The following SEC24B variants were observed in gnomAD, a reference collection of about 807,000 sequenced individuals.
The protein encoded by SEC24B is SEC24 homolog B, COPII component, also known as protein transport protein Sec24B.
A neutral mutation model predicts 142.8 loss-of-function variants in SEC24B; 45 were observed. The ratio of observed to expected loss-of-function variants is 0.32; its 90% confidence interval spans 0.25 to 0.40. The LOEUF is 0.40. Ranked by LOEUF, SEC24B falls within the 10% of genes least tolerant of loss-of-function variation. The pLI is 1.00. For synonymous variants in SEC24B, 574 were observed against 568.2 expected, an observed-to-expected ratio of 1.01 and a Z score of -0.15; for missense variants, 1,409 against 1,526.8, an observed-to-expected ratio of 0.92 and a Z score of 1.29.
Position 109,533,618 on chromosome 4 carries a change from G to A in SEC24B, c.3521G>A (p.Gly1174Asp), listed in dbSNP as rs1430970756. ...GTTTTTTACATTTGGGTTGGGAAAG[G>A]CTGTGACAATAACTTCATAGAGGAT... ...GSVFYIWVGK[G>D]CDNNFIEDVL... is the part of the protein sequence containing the mutation. Residue 1174 changes from glycine to aspartate, a missense_variant, in exon 22 of 24, where the codon GGC becomes GAC. Gly to Asp is a moderately conservative substitution (Grantham distance 94, BLOSUM62 -1). This residue lies in a region of SEC24B where 700 missense variants were observed against 853.3 expected (regional missense o/e 0.82). Transcript: ENST00000265175. 7.4e-6 allele frequency: 12 copies of A among 1,610,800 alleles called. No individual in the cohort carries two copies. Among genetic ancestry groups the A allele is most frequent in the Non-Finnish European group, 1.0e-5 (12 of 1,178,620 alleles).
chr4:109,486,566 A>G (rs1734377407), intron 4 of SEC24B, among the ~76,000 whole-genome samples: 1 of 152,150 alleles, frequency 6.6e-6, no homozygotes, highest in Admixed American at 6.5e-5. Context: ...GCTGTAACAT[A>G]GAGCCAGTAG....
rs1226859412 is a variant in SEC24B at position 109,517,586 on chromosome 4, G to C, written c.2126+946G>C. Among the ~76,000 whole-genome samples, 6 of 152,190 alleles carry C rather than the reference G, an allele frequency of 3.9e-5. No homozygotes were observed. In the East Asian group the frequency reaches 1.2e-3, roughly 29 times the overall value. On this transcript the variant is annotated intron_variant, in intron 11 of 23. Coordinates refer to ENST00000265175, the MANE Select transcript of SEC24B (RefSeq NM_006323.5). ...TTCTTGGAGAAATGCTAAGAGATGA[G>C]AATTGTTGTGTTCTCACTACAAAAA... is the stretch of plus-strand genomic sequence containing the variant.
At chr4:109,491,236 T>C (rs1263808697) in intron 4 of SEC24B, 91 bp from the exon 5 acceptor site, 1 of 945,932 alleles carries the variant, frequency 1.1e-6, no homozygotes, top group African/African-American at 1.7e-5. Context: ...TTTTCCTAGT[T>C]CCGCAAAAAC....
At chr4:109,534,876 C>T (rs1338077263) in intron 22 of SEC24B, among the ~76,000 whole-genome samples, 1 of 152,160 alleles carries the variant, frequency 6.6e-6, no homozygotes, top group Non-Finnish European at 1.5e-5. Flanking sequence ...TGGGGTATCC[C>T]TGTGTAGCCC....
At chr4:109,473,606 CAG>C (rs1732761872) in intron 3 of SEC24B, among the ~76,000 whole-genome samples, 1 of 152,082 alleles carries the variant, frequency 6.6e-6, no homozygotes, top group Non-Finnish European at 1.5e-5. Context: ...TAAGCTTTGA[CAG>C]AATTTTGCAA....
At chr4:109,522,489 G>A (rs944940916) in intron 14 of SEC24B, among the ~76,000 whole-genome samples, 1 of 151,912 alleles carries the variant, frequency 6.6e-6, no homozygotes, top group Non-Finnish European at 1.5e-5. Context: ...TCTAGTTAAA[G>A]GTTAAATAAC....
intron 2 of SEC24B, among the ~76,000 whole-genome samples, chr4:109,470,869 TAA>T (rs1732448253): frequency 1.3e-5 from 2 of 152,114 alleles, no homozygotes. Context: ...ATAAAGTTTA[TAA>T]AAAGAGCAAA....
At chr4:109,467,157 T>C (rs1731994483) in intron 2 of SEC24B, among the ~76,000 whole-genome samples, 1 of 151,382 alleles carries the variant, frequency 6.6e-6, no homozygotes, top group Non-Finnish European at 1.5e-5. Context: ...AAACCCCGTC[T>C]CTACTAAAAA....
rs1737170254 is a variant in SEC24B, at chr4:109,510,175, A to C, written c.1776+64A>C. 1.7e-5 allele frequency: 13 copies of C among 765,496 alleles called. No homozygotes were observed. In the South Asian group the frequency reaches 3.0e-4, roughly 17 times the overall value. 47.4% of individuals were successfully genotyped at this position (765,496 alleles called of 1,614,324 possible). A position where few individuals can be genotyped will look rare whatever the true frequency, so the allele number is the denominator to read the frequency against. On this transcript the variant is annotated intron_variant, in intron 8 of 23. Coordinates refer to ENST00000265175, the MANE Select transcript of SEC24B (RefSeq NM_006323.5). Reference sequence around the variant, plus strand: ...GTATGCTTATGTACAAGGTACTTAAATTTTATATTTTCTTAGAATTTTCTA... The same window carrying C: ...GTATGCTTATGTACAAGGTACTTAACTTTTATATTTTCTTAGAATTTTCTA...
chr4:109,455,916 A>G (rs1225893528), intron 1 of SEC24B, among the ~76,000 whole-genome samples: 1 of 152,216 alleles, frequency 6.6e-6, no homozygotes, highest in African/African-American at 2.4e-5. Flanking sequence ...TATCTACAAA[A>G]AAAACCTGCT....
chr4:109,503,911 G>C (rs1415562446), intron 6 of SEC24B, among the ~76,000 whole-genome samples: 5 of 151,868 alleles, frequency 3.3e-5, no homozygotes, highest in African/African-American at 4.8e-5. Context: ...TTCTCTCTCT[G>C]ATTAAATATC....
chr4:109,500,981 T>C (rs1736069622), intron 6 of SEC24B, among the ~76,000 whole-genome samples: 1 of 152,124 alleles, frequency 6.6e-6, no homozygotes, highest in African/African-American at 2.4e-5. Context: ...TTTATAGGTT[T>C]GATAAAGCCT....
intron 6 of SEC24B, among the ~76,000 whole-genome samples, chr4:109,500,018 T>G (rs536079069): frequency 6.6e-6 from 1 of 152,294 alleles, no homozygotes; most frequent in East Asian, 1.9e-4. Flanking sequence ...TGGAAGACAG[T>G]GATATTGATC....
chr4:109,510,157 T>A, intron 8 of SEC24B, 46 bp downstream of exon 8: 1 of 985,538 alleles, frequency 1.0e-6, no homozygotes, highest in Non-Finnish European at 1.5e-6. Flanking sequence ...CATGTATGCT[T>A]ATGTACAAGG....
intron 1 of SEC24B, among the ~76,000 whole-genome samples, chr4:109,445,687 G>A (rs1047222982): frequency 1.3e-5 from 2 of 151,986 alleles, no homozygotes; most frequent in Non-Finnish European, 2.9e-5. Flanking sequence ...TAGCACCTCA[G>A]CCTCCCAAGT....
intron 8 of SEC24B, among the ~76,000 whole-genome samples, chr4:109,510,672 AAAT>A (rs1737221932): frequency 6.6e-6 from 1 of 152,368 alleles, no homozygotes; most frequent in Non-Finnish European, 1.5e-5. Flanking sequence ...TTAATTCAAC[AAAT>A]AACCTTTGTA....
At chr4:109,527,847 AT>A (rs1433970267) in intron 18 of SEC24B, among the ~76,000 whole-genome samples, 1 of 152,096 alleles carries the variant, frequency 6.6e-6, no homozygotes, top group Non-Finnish European at 1.5e-5. Flanking sequence ...TATGTTTTAC[AT>A]TTTTATTTAC....
chr4:109,435,270 TC>T (rs1561049587), intron 1 of SEC24B, among the ~76,000 whole-genome samples: 1 of 152,234 alleles, frequency 6.6e-6, no homozygotes, highest in Non-Finnish European at 1.5e-5. Context: ...TGCTGTACTC[TC>T]AGTAGTCATT....
At position 109,506,676 on chromosome 4, in the gene SEC24B, T is replaced by C. The variant is rs148919517; in HGVS notation, c.1673+164T>C. Among the ~76,000 whole-genome samples, 39 of 152,314 alleles carry C rather than the reference T, an allele frequency of 2.6e-4. No individual in the cohort carries two copies. In the East Asian group the frequency reaches 3.9e-3, roughly 15 times the overall value. ...GTAAAATTTGACTTAGGTCATCTCT[T>C]TTTGTTCCCATCTCTGTCTCAATCC... On this transcript the variant is annotated intron_variant, in intron 7 of 23. Transcript: ENST00000265175.
Sources: allele counts gnomAD v4.1 joint callset (sites outside exome capture counted in the v4.1 genomes callset), GRCh38; gene constraint gnomAD v4.1.1; regional missense constraint gnomAD v4.1.1; transcripts MANE v1.5; gene names NCBI Gene and HGNC (gene_info 2026-07-23, HGNC 2026-07-21).